Variants in GCFC2 observed in about 807,000 individuals in gnomAD.
GCFC2 encodes the protein GC-rich sequence DNA-binding factor 2.
In GCFC2, 102 loss-of-function variants were observed where a neutral mutation model predicts 99.4. That is an observed-to-expected ratio of 1.03 (90% confidence interval 0.87 to 1.21). The LOEUF (loss-of-function observed/expected upper bound fraction) is 1.21, where lower values mean the gene tolerates loss of function less well. Ranked by LOEUF, GCFC2 falls within the 50% of genes most tolerant of loss-of-function variation. The pLI is 0.00. For missense variants in GCFC2, 973 were observed against 920.9 expected, an observed-to-expected ratio of 1.06 and a Z score of -0.73; for synonymous variants, 338 against 316.8, an observed-to-expected ratio of 1.07 and a Z score of -0.71.
At chr2:75,690,893 G>A in intron 7 of GCFC2, 174 bp from the exon 8 acceptor site, 1 of 502,680 alleles carries the variant, frequency 2.0e-6, no homozygotes, top group East Asian at 3.5e-5. Context: ...ACTCTTTATT[G>A]CAATATTAAC....
intron 12 of GCFC2, 53 bp from the exon 13 acceptor site, chr2:75,673,573 C>CA (rs1679218984): frequency 5.1e-6 from 4 of 783,690 alleles, no homozygotes; most frequent in South Asian, 1.5e-5. Flanking sequence ...AATGTATTTA[C>CA]CAAAAAAAAA....
intron 4 of GCFC2, among the ~76,000 whole-genome samples, chr2:75,700,157 G>A (rs1360350592): frequency 6.6e-6 from 1 of 151,900 alleles, no homozygotes; most frequent in East Asian, 1.9e-4. Flanking sequence ...TCAGCCTCCC[G>A]AGCTTTGGTT....
intron 16 of GCFC2, among the ~76,000 whole-genome samples, chr2:75,665,220 T>C (rs1310451722): frequency 2.0e-5 from 3 of 151,976 alleles, no homozygotes; most frequent in African/African-American, 4.8e-5. Flanking sequence ...GGCACAATCA[T>C]AGCTCACTGC....
intron 12 of GCFC2, among the ~76,000 whole-genome samples, chr2:75,676,654 G>C (rs2104258748): frequency 6.6e-6 from 1 of 152,202 alleles, no homozygotes; most frequent in East Asian, 1.9e-4. Context: ...CCTGTTTTCT[G>C]TTACTCAAGT....
At position 75,687,808 on chromosome 2, in the gene GCFC2, C is replaced by G. The variant is rs769070635; in HGVS notation, c.1690+19G>C. On this transcript the variant is annotated intron_variant, in intron 11 of 16. Coordinates refer to ENST00000321027, the MANE Select transcript of GCFC2 (RefSeq NM_003203.5). ...CTGTCAGAAAATAATTTAATTTTAC[C>G]AAGGTTACGAAGCAGTACCTGTAAG... 7 of 1,575,646 alleles carry G rather than the reference C, an allele frequency of 4.4e-6. No homozygotes were observed. The South Asian group carries it at 5.8e-5, about 13-fold the overall frequency.
chr2:75,673,321 A>T lies in GCFC2; in HGVS notation c.1889+123T>A, dbSNP rs1679204254. 3 of 650,274 alleles carry T rather than the reference A, an allele frequency of 4.6e-6. No individual in the cohort carries two copies. In the South Asian group the frequency reaches 5.2e-5, roughly 11 times the overall value. 40.3% of individuals were successfully genotyped at this position (650,274 alleles called of 1,614,324 possible). On this transcript the variant is annotated intron_variant, in intron 13 of 16. Transcript: ENST00000321027. ...AGACTCAGTCTCAAAAGAAAAAAAAAAAAGAAACACAAAAAACAAAACAAA... is the reference window on the plus strand; with the variant it reads ...AGACTCAGTCTCAAAAGAAAAAAAATAAAGAAACACAAAAAACAAAACAAA...
upstream of GCFC2, among the ~76,000 whole-genome samples, chr2:75,711,890 C>T (rs577610082): frequency 3.7e-4 from 57 of 152,346 alleles, no homozygotes; most frequent in African/African-American, 1.3e-3. Context: ...GCCCGAGCAT[C>T]CCCGACGAGC....
upstream of GCFC2, chr2:75,711,133 C>T: frequency 9.7e-6 from 12 of 1,243,040 alleles, no homozygotes; most frequent in South Asian, 2.8e-5. Context: ...ACGGCCTATC[C>T]GGTCTGAGTC....
intron 11 of GCFC2, among the ~76,000 whole-genome samples, chr2:75,682,776 T>G (rs543552879): frequency 6.6e-6 from 1 of 151,938 alleles, no homozygotes; most frequent in East Asian, 1.9e-4. Flanking sequence ...TGAAAAACAC[T>G]GCATGAGAAT....
chr2:75,689,502 A>C (rs891273002), intron 9 of GCFC2, among the ~76,000 whole-genome samples: 22 of 152,154 alleles, frequency 1.4e-4, no homozygotes, highest in Non-Finnish European at 2.4e-4. Context: ...TTATTTACAG[A>C]CAAAACAACA....
In GCFC2 at chr2:75,710,696, C is replaced by T. The variant is rs745516362; in HGVS notation, c.160G>A (p.Val54Met). The change falls in exon 1 of 17, where the codon GTG (valine) becomes ATG (methionine). Residue 54 changes from valine to methionine, a missense_variant. Coordinates refer to ENST00000321027, the MANE Select transcript of GCFC2 (RefSeq NM_003203.5). ...EPPSGGGRAQ[V>M]AGLPHRVRGP... The stretch of plus-strand genomic sequence containing the variant: ...CGAACCCGGTGGGGCAGTCCCGCCA[C>T]CTGCGCGCGGCCTCCTCCAGAGGGC... 1.4e-5 allele frequency: 21 copies of T among 1,531,006 alleles called. No individual in the cohort carries two copies. Among genetic ancestry groups the T allele is most frequent in the Non-Finnish European group, 1.6e-5 (18 of 1,144,132 alleles). The allele number at this position is 1,531,006 out of a possible 1,614,324, so 94.8% of individuals were successfully genotyped here.
In GCFC2 at chr2:75,702,269, A is replaced by T. The variant is rs1231396434; in HGVS notation, c.549T>A (p.Asp183Glu). ...ESEDDPESEPDDHEKRIPFTL... is the reference protein window; with the variant it reads ...ESEDDPESEPEDHEKRIPFTL... ...TAAATGGTATTCTCTTTTCATGGTC[A>T]TCAGGCTCACTCTCAGGGTCATCTT... Residue 183 changes from aspartate (D) to glutamate (E), a missense_variant, in exon 3 of 17, where the codon GAT becomes GAA. Physicochemically the swap from Asp to Glu is conservative, Grantham distance 45 (BLOSUM62 2). Coordinates refer to ENST00000321027, the MANE Select transcript of GCFC2 (RefSeq NM_003203.5). 1 of 1,613,346 alleles carries T rather than the reference A, an allele frequency of 6.2e-7. No homozygotes were observed. Among genetic ancestry groups the T allele is most frequent in the Non-Finnish European group, 8.5e-7 (1 of 1,179,354 alleles).
intron 15 of GCFC2, 67 bp downstream of exon 15, chr2:75,670,071 A>C (rs1394852568): frequency 9.4e-7 from 1 of 1,062,430 alleles, no homozygotes; most frequent in Non-Finnish European, 1.4e-6. Context: ...TTTGCTAAAT[A>C]ATAGATTTTA....
rs201683331 is a variant in GCFC2 at position 75,672,376 on chromosome 2, CAAAT to C, written c.1890-364_1890-361del. Among the ~76,000 whole-genome samples, 737 of 147,756 alleles carry C rather than the reference CAAAT, an allele frequency of 5.0e-3. 5 individuals are homozygous for C. Among genetic ancestry groups the C allele is most frequent in the African/African-American group, 0.016 (666 of 40,374 alleles). ...TGTTTATAAAATATATATTTATAAA[CAAAT>C]AACTAATATATCACATTCATACATC... On this transcript the variant is annotated intron_variant, in intron 13 of 16. Coordinates refer to ENST00000321027, the MANE Select transcript of GCFC2 (RefSeq NM_003203.5).
rs766389099 is a variant in GCFC2, at chr2:75,670,252, G to A, written c.1989C>T (p.Leu663=). Residue 663 remains leucine, a synonymous_variant, in exon 15 of 17, where the codon CTC becomes CTT. Transcript: ENST00000321027. ...LFRNILLWNG[L]LTDDTLQELG... ...GTTCTTGCAAGGTGTCATCTGTAAG[G>A]AGTCCATTCCAAAGAAGAATATTGC... 3.1e-6 allele frequency: 5 copies of A among 1,606,530 alleles called. No individual in the cohort carries two copies. Among genetic ancestry groups the A allele is most frequent in the Non-Finnish European group, 4.3e-6 (5 of 1,173,332 alleles).
intron 15 of GCFC2, 183 bp downstream of exon 15, chr2:75,669,955 C>T (rs1458434818): frequency 7.0e-6 from 3 of 427,394 alleles, no homozygotes; most frequent in African/African-American, 4.0e-5. Flanking sequence ...AAACTCCTGA[C>T]CTCACGCAAT....
At chr2:75,672,880 T>TAAAACC (rs1298759636) in intron 13 of GCFC2, among the ~76,000 whole-genome samples, 1 of 152,198 alleles carries the variant, frequency 6.6e-6, no homozygotes, top group Admixed American at 6.5e-5. Flanking sequence ...AGGATATATG[T>TAAAACC]AAAACCAAAA....
chr2:75,665,904 G>A (rs776191811), intron 16 of GCFC2, 25 bp downstream of exon 16: 32 of 1,489,148 alleles, frequency 2.1e-5, no homozygotes, highest in South Asian at 2.0e-4. Flanking sequence ...TCTCTTTATA[G>A]AAGTGAAAAT....
In GCFC2 at chr2:75,701,312, A is replaced by G. The variant is rs1185902853; in HGVS notation, c.620-25T>C. 2.9e-6 allele frequency: 4 copies of G among 1,361,008 alleles called. No homozygotes were observed. The South Asian group carries it at 3.5e-5, about 12-fold the overall frequency. The allele number at this position is 1,361,008 out of a possible 1,614,324, so 84.3% of individuals were successfully genotyped here. ...ACTAGCGGAAAAAAAGCTCACATGT[A>G]AACGTTTAGTATTTTTCCATTTTAA... On this transcript the variant is annotated intron_variant, in intron 3 of 16. Transcript: ENST00000321027.
Sources: gnomAD v4.1 joint callset for allele counts (sites outside exome capture counted in the v4.1 genomes callset) on GRCh38, gnomAD v4.1.1 for gene constraint, MANE v1.5 for transcripts, NCBI Gene and HGNC (gene_info 2026-07-23, HGNC 2026-07-21) for gene names.